Variants in ST3GAL3 observed in about 807,000 individuals in gnomAD.
ST3GAL3 encodes the protein CMP-N-acetylneuraminate-beta-1,4-galactoside alpha-2,3-sialyltransferase.
A neutral mutation model predicts 50.1 loss-of-function variants in ST3GAL3; 21 were observed. The observed-to-expected ratio is 0.42, with a 90% CI of 0.30 to 0.60. The LOEUF (loss-of-function observed/expected upper bound fraction) is 0.60. ST3GAL3 is among the 20% of genes least tolerant of loss of function. The pLI, the probability that ST3GAL3 is intolerant of heterozygous loss-of-function variation, is 0.19. For synonymous variants in ST3GAL3, 183 were observed against 190.0 expected, an observed-to-expected ratio of 0.96 and a Z score of 0.30; for missense variants, 353 against 489.4, an observed-to-expected ratio of 0.72 and a Z score of 2.63.
intron 5 of ST3GAL3, among the ~76,000 whole-genome samples, chr1:43,886,208 C>G (rs1285035352): frequency 2.0e-5 from 3 of 152,164 alleles, no homozygotes; most frequent in African/African-American, 7.2e-5. Context: ...TGGTGAAACC[C>G]TGTCTCTACT....
At chr1:43,763,722 C>T (rs1691442744) in intron 2 of ST3GAL3, among the ~76,000 whole-genome samples, 2 of 152,170 alleles carry the variant, frequency 1.3e-5, no homozygotes, top group South Asian at 4.1e-4. Context: ...ACTTACTAGA[C>T]CGTGGGCATC....
At chr1:43,734,734 A>G (rs1239757039) in intron 1 of ST3GAL3, among the ~76,000 whole-genome samples, 1 of 152,090 alleles carries the variant, frequency 6.6e-6, no homozygotes, top group Non-Finnish European at 1.5e-5. Context: ...ATTTTTTAGT[A>G]TATTCTCTTG....
intron 4 of ST3GAL3, among the ~76,000 whole-genome samples, chr1:43,821,182 A>G (rs2062042910): frequency 6.6e-6 from 1 of 152,198 alleles, no homozygotes; most frequent in Admixed American, 6.5e-5. Flanking sequence ...ATGGGGAGGA[A>G]GCGAATGAGA....
chr1:43,888,881 T>A (rs1303226074), intron 5 of ST3GAL3, among the ~76,000 whole-genome samples: 1 of 152,086 alleles, frequency 6.6e-6, no homozygotes, highest in African/African-American at 2.4e-5. Context: ...TAGAGCAAAA[T>A]CAGAGATACA....
intron 5 of ST3GAL3, among the ~76,000 whole-genome samples, chr1:43,883,847 G>A (rs969688854): frequency 6.6e-6 from 1 of 152,134 alleles, no homozygotes; most frequent in Admixed American, 6.5e-5. Flanking sequence ...CTACCCTTCT[G>A]AACATTCTCC....
chr1:43,829,058 A>G (rs980635060), intron 4 of ST3GAL3, among the ~76,000 whole-genome samples: 4 of 152,130 alleles, frequency 2.6e-5, no homozygotes, highest in African/African-American at 9.7e-5. Context: ...CATCTAGACA[A>G]TGGACTACTA....
intron 5 of ST3GAL3, among the ~76,000 whole-genome samples, chr1:43,864,934 A>T (rs1259787033): frequency 6.6e-6 from 1 of 152,086 alleles, no homozygotes; most frequent in Non-Finnish European, 1.5e-5. Flanking sequence ...AAATTCCTGC[A>T]GAACATCCCT....
intron 4 of ST3GAL3, among the ~76,000 whole-genome samples, chr1:43,835,170 G>A (rs1221386349): frequency 6.6e-6 from 1 of 152,148 alleles, no homozygotes; most frequent in Non-Finnish European, 1.5e-5. Flanking sequence ...AGAAGAACAA[G>A]GGCTGAGTGA....
In ST3GAL3 at chr1:43,930,689, G is replaced by A. The variant is rs1355197608; in HGVS notation, c.*468G>A. ...GTGTTACCTGTTAGCTCCCTGTGGG[G>A]CAGGAGTGCCAGGACCAGCCTGTAC... is the stretch of plus-strand genomic sequence containing the variant. On this transcript the variant is annotated 3_prime_UTR_variant, in exon 12 of 12. Coordinates refer to ENST00000347631, the MANE Select transcript of ST3GAL3 (RefSeq NM_006279.5). 2 of 297,756 alleles carry A rather than the reference G, an allele frequency of 6.7e-6. No individual in the cohort carries two copies. The highest frequency in any genetic ancestry group is 6.5e-5 in the South Asian group (2 of 30,546). 18.4% of individuals were successfully genotyped at this position (297,756 alleles called of 1,614,324 possible). A position where few individuals can be genotyped will look rare whatever the true frequency, so the allele number is the denominator to read the frequency against.
At chr1:43,917,577 ATTACG>A (rs1485409215) in intron 9 of ST3GAL3, among the ~76,000 whole-genome samples, 4 of 78,222 alleles carry the variant, frequency 5.1e-5, no homozygotes, top group Admixed American at 2.3e-4. Context: ...TATATAATAT[ATTACG>A]TATTATATAT....
At chr1:43,797,917 T>C (rs2058867187) in intron 3 of ST3GAL3, among the ~76,000 whole-genome samples, 2 of 152,196 alleles carry the variant, frequency 1.3e-5, no homozygotes, top group South Asian at 4.1e-4. Context: ...ACACAGAAGT[T>C]CATCATGTTT....
chr1:43,725,145 C>A (rs1672305550), intron 1 of ST3GAL3, among the ~76,000 whole-genome samples: 1 of 152,202 alleles, frequency 6.6e-6, no homozygotes, highest in Non-Finnish European at 1.5e-5. Flanking sequence ...TGTGCTCCAT[C>A]TGCATTCTAG....
At chr1:43,880,619 G>C (rs2074951492) in intron 5 of ST3GAL3, among the ~76,000 whole-genome samples, 1 of 151,802 alleles carries the variant, frequency 6.6e-6, no homozygotes, top group Non-Finnish European at 1.5e-5. Context: ...TTCCACTTCT[G>C]TCCTCTCCTT....
chr1:43,886,240 G>A (rs867626060), intron 5 of ST3GAL3, among the ~76,000 whole-genome samples: 2 of 152,156 alleles, frequency 1.3e-5, no homozygotes, highest in African/African-American at 4.8e-5. Flanking sequence ...CATTAGCTGG[G>A]CGTGGTGGTG....
chr1:43,900,712 C>T (rs2078153992), intron 9 of ST3GAL3: 1 of 152,258 alleles, frequency 6.6e-6, no homozygotes, highest in Non-Finnish European at 1.5e-5. Flanking sequence ...CTTCCTTTGC[C>T]TTTAGGGTCT....
At chr1:43,814,285 C>G (rs776109665) in intron 3 of ST3GAL3, among the ~76,000 whole-genome samples, 8 of 152,190 alleles carry the variant, frequency 5.3e-5, no homozygotes, top group Non-Finnish European at 1.0e-4. Flanking sequence ...TATAGAACTG[C>G]TTCAACCTCA....
chr1:43,912,668 G>A (rs2081134152), intron 9 of ST3GAL3: 2 of 152,168 alleles, frequency 1.3e-5, no homozygotes, highest in Admixed American at 1.3e-4. Flanking sequence ...GCCTACCATG[G>A]TTAATCTCTA....
chr1:43,889,076 A>C (rs1184596715), intron 5 of ST3GAL3, among the ~76,000 whole-genome samples: 1 of 152,150 alleles, frequency 6.6e-6, no homozygotes, highest in South Asian at 2.1e-4. Flanking sequence ...CAATCATGGG[A>C]GTATTATTGA....
At chr1:43,910,148 G>A (rs867318086) in intron 9 of ST3GAL3, among the ~76,000 whole-genome samples, 3 of 152,196 alleles carry the variant, frequency 2.0e-5, no homozygotes, top group African/African-American at 7.2e-5. Context: ...TTTATATTTT[G>A]TAGTGTTGTT....
Sources: allele counts gnomAD v4.1 joint callset (sites outside exome capture counted in the v4.1 genomes callset), GRCh38; gene constraint gnomAD v4.1.1; transcripts MANE v1.5; gene names NCBI Gene and HGNC (gene_info 2026-07-23, HGNC 2026-07-21).